ENDOV: variants seen among roughly 807,000 people sequenced by gnomAD.
ENDOV encodes hEndoV.
Under a neutral mutation model 39.4 loss-of-function variants are expected in ENDOV, and 37 were observed. That is an observed-to-expected ratio of 0.94 (90% CI 0.72 to 1.23). The LOEUF is 1.23. Ranked by LOEUF, ENDOV falls within the 50% of genes most tolerant of loss-of-function variation. The pLI is 0.00. For missense variants in ENDOV, 441 were observed against 375.7 expected, an observed-to-expected ratio of 1.17 and a Z score of -1.44; for synonymous variants, 186 against 163.4, an observed-to-expected ratio of 1.14 and a Z score of -1.05.
chr17:80,433,248 C>T, intron 9 of ENDOV: 1 of 519,442 alleles, frequency 1.9e-6, no homozygotes, highest in South Asian at 1.4e-5. Flanking sequence ...GGGGTCAGTA[C>T]CTGCCCATGT....
At chr17:80,431,564 C>T (rs1235877406) in intron 9 of ENDOV, among the ~76,000 whole-genome samples, 1 of 152,344 alleles carries the variant, frequency 6.6e-6, no homozygotes, top group Non-Finnish European at 1.5e-5. Context: ...ATCGGCAACG[C>T]TGGCCGGAAC....
At chr17:80,428,729 G>A in intron 8 of ENDOV, 69 bp downstream of exon 8, 2 of 1,445,368 alleles carry the variant, frequency 1.4e-6, no homozygotes, top group East Asian at 2.5e-5. Flanking sequence ...TGTTTCCGGT[G>A]GCTCAGCCTC....
At chr17:80,435,949 C>T (rs915335941) in intron 9 of ENDOV, among the ~76,000 whole-genome samples, 184 bp from the exon 10 acceptor site, 1 of 152,032 alleles carries the variant, frequency 6.6e-6, no homozygotes, top group Non-Finnish European at 1.5e-5. Context: ...AAGACAGGGT[C>T]TCACCATGTT....
chr17:80,431,727 C>A (rs1374096645), intron 9 of ENDOV, among the ~76,000 whole-genome samples: 1 of 152,198 alleles, frequency 6.6e-6, no homozygotes, highest in Non-Finnish European at 1.5e-5. Flanking sequence ...CACCGGTGGA[C>A]TGAGGCTCCC....
chr17:80,424,169 A>C (rs952264118), intron 5 of ENDOV: 3 of 398,850 alleles, frequency 7.5e-6, no homozygotes, highest in Non-Finnish European at 8.8e-6. Flanking sequence ...AGCTGTTGAC[A>C]CCCCCAGCTG....
At chr17:80,417,843 G>C (rs2081409078) in intron 2 of ENDOV, 1 of 152,214 alleles carries the variant, frequency 6.6e-6, no homozygotes, top group Admixed American at 6.5e-5. Flanking sequence ...TCCTTCAAGA[G>C]ATACGTGTGT....
intron 5 of ENDOV, chr17:80,424,193 C>T (rs2082408489): frequency 5.0e-6 from 2 of 399,238 alleles, no homozygotes; most frequent in Non-Finnish European, 8.8e-6. Flanking sequence ...CACTGGATGG[C>T]AGATTCTGAG....
chr17:80,419,962 C>T, intron 2 of ENDOV: 1 of 368,058 alleles, frequency 2.7e-6, no homozygotes, highest in South Asian at 4.9e-5. Flanking sequence ...AGTGATTTTT[C>T]TTTTCCCAGA....
chr17:80,415,690 A>T lies in ENDOV; in HGVS notation c.97A>T (p.Thr33Ser), dbSNP rs796453594. ...RLKAHVVDRD[T>S]EAWQRDPAFS... ...GAAGGCCCACGTCGTAGACCGGGACACCGAGGCGTGGCAGCGAGACCCCGC... is the reference window on the plus strand; with the variant it reads ...GAAGGCCCACGTCGTAGACCGGGACTCCGAGGCGTGGCAGCGAGACCCCGC... Residue 33 changes from threonine to serine, a missense_variant, in exon 2 of 10, where the codon ACC becomes TCC. Physicochemically the swap from Thr to Ser is moderately conservative, Grantham distance 58. Coordinates refer to ENST00000518137, the MANE Select transcript of ENDOV (RefSeq NM_173627.5). 5.6e-6 allele frequency: 9 copies of T among 1,612,376 alleles called. No homozygotes were observed. The African/African-American group carries it at 1.2e-4, about 21-fold the overall frequency.
chr17:80,425,356 G>A, intron 6 of ENDOV, 136 bp from the exon 7 acceptor site: 1 of 1,317,064 alleles, frequency 7.6e-7, no homozygotes, highest in Non-Finnish European at 1.0e-6. Flanking sequence ...GGCAGGCCCT[G>A]GCCCCTGAGA....
intron 7 of ENDOV, 21 bp from the exon 8 acceptor site, chr17:80,428,575 C>T: frequency 1.9e-6 from 3 of 1,568,438 alleles, no homozygotes; most frequent in Non-Finnish European, 2.6e-6. Flanking sequence ...CAGCACCCAG[C>T]AGCACGTCTG....
Position 80,422,206 on chromosome 17 carries a change from G to A in ENDOV, c.364G>A (p.Val122Ile), listed in dbSNP as rs1599363440. The A allele has an allele frequency of 1.9e-6, 3 of 1,613,734 alleles. No individual in the cohort carries two copies. Among genetic ancestry groups the A allele is most frequent in the East Asian group, 2.2e-5 (1 of 44,874 alleles). ...TGTGACTCTCCCTGTGGCTCCATAG[G>A]TCCTTCTTGTGGATGGAAACGGGGT... ...REKEPGLMPQ[V>I]LLVDGNGVLH... Residue 122 changes from valine (V) to isoleucine (I), a missense_variant and splice_region_variant, in exon 4 of 10, where the codon GTC (valine) becomes ATC (isoleucine). Val to Ile is a conservative substitution (Grantham distance 29). Transcript: ENST00000518137.
chr17:80,436,350 C>T lies in ENDOV; in HGVS notation c.*207C>T, dbSNP rs930173638. 1.7e-5 allele frequency: 26 copies of T among 1,528,776 alleles called. No individual in the cohort carries two copies. In the African/African-American group the frequency reaches 3.4e-4, roughly 20 times the overall value. 94.7% of individuals were successfully genotyped at this position (1,528,776 alleles called of 1,614,324 possible). ...TGAGAGCACACGTCCTTGTCTTGTT[C>T]CTGATCTTAAGGGAACGTTTGCAGT... On this transcript the variant is annotated 3_prime_UTR_variant, in exon 10 of 10. Transcript: ENST00000518137.
At chr17:80,432,978 GT>G (rs2083419196) in intron 9 of ENDOV, among the ~76,000 whole-genome samples, 1 of 152,124 alleles carries the variant, frequency 6.6e-6, no homozygotes, top group African/African-American at 2.4e-5. Flanking sequence ...GATGCCATGT[GT>G]GTGCCCCAAG....
chr17:80,425,746 C>T, intron 7 of ENDOV, 126 bp downstream of exon 7: 2 of 1,410,966 alleles, frequency 1.4e-6, no homozygotes, highest in East Asian at 2.5e-5. Context: ...GGTTCCTGGG[C>T]CGAGGACAGG....
intron 5 of ENDOV, 67 bp downstream of exon 5, chr17:80,423,699 T>A: frequency 6.9e-7 from 1 of 1,450,778 alleles, no homozygotes; most frequent in Non-Finnish European, 9.4e-7. Context: ...GCCCTGGGCA[T>A]GAGGACACTT....
chr17:80,431,800 A>G (rs575875386), intron 9 of ENDOV, among the ~76,000 whole-genome samples: 1 of 152,192 alleles, frequency 6.6e-6, no homozygotes, highest in East Asian at 1.9e-4. Flanking sequence ...GTGGATGGGG[A>G]CGGCTCACGG....
chr17:80,415,432 G>T (rs769968393), intron 1 of ENDOV, 182 bp downstream of exon 1: 94 of 993,782 alleles, frequency 9.5e-5, no homozygotes, highest in Non-Finnish European at 1.3e-4. Context: ...CGCGGGGTGG[G>T]CGCGGTTCTC....
At chr17:80,416,758 CTT>C (rs2081264363) in intron 2 of ENDOV, among the ~76,000 whole-genome samples, 1 of 133,722 alleles carries the variant, frequency 7.5e-6, no homozygotes, top group Non-Finnish European at 1.6e-5. Context: ...CTCTGTCTCT[CTT>C]TCCTTCCTTT....
Sources: gnomAD v4.1 joint callset for allele counts (sites outside exome capture counted in the v4.1 genomes callset) on GRCh38, gnomAD v4.1.1 for gene constraint, MANE v1.5 for transcripts, NCBI Gene and HGNC (gene_info 2026-07-23, HGNC 2026-07-21) for gene names.